The following GATA4 variants were observed in gnomAD, a reference collection of about 807,000 sequenced individuals.
GATA4 encodes transcription factor GATA-4.
Under a neutral mutation model 37.9 loss-of-function variants are expected in GATA4, and 7 were observed. The ratio of observed to expected loss-of-function variants is 0.18; its 90% CI spans 0.11 to 0.35. The LOEUF (loss-of-function observed/expected upper bound fraction) is 0.35, where lower values mean the gene tolerates loss of function less well. GATA4 is among the 10% of genes least tolerant of loss of function. GATA4 has a pLI of 1.00. For missense variants in GATA4, 647 were observed against 653.0 expected (o/e 0.99, Z 0.10); for synonymous variants, 372 against 292.6 (o/e 1.27, Z -2.77).
intron 1 of GATA4, among the ~76,000 whole-genome samples, chr8:11,683,532 G>A (rs940825223): frequency 6.6e-6 from 1 of 152,130 alleles, no homozygotes; most frequent in Admixed American, 6.5e-5. Flanking sequence ...TATTCCTTGA[G>A]ACTAGGTAGA....
intron 2 of GATA4, among the ~76,000 whole-genome samples, chr8:11,746,225 C>G (rs955447731): frequency 6.8e-6 from 1 of 147,760 alleles, no homozygotes; most frequent in Non-Finnish European, 1.5e-5. Context: ...GAGACTCTGT[C>G]TCAAAAAAAA....
chr8:11,696,905 G>A (rs1799524839), intron 1 of GATA4, among the ~76,000 whole-genome samples: 1 of 152,244 alleles, frequency 6.6e-6, no homozygotes. Flanking sequence ...CATCTGCTCA[G>A]GGAGAGTGTG....
At chr8:11,706,279 G>C (rs1799884873) in intron 1 of GATA4, among the ~76,000 whole-genome samples, 1 of 152,148 alleles carries the variant, frequency 6.6e-6, no homozygotes, top group Non-Finnish European at 1.5e-5. Context: ...GCATTATGTA[G>C]TGTGTATTAA....
At chr8:11,717,372 A>G (rs549620271) in intron 2 of GATA4, among the ~76,000 whole-genome samples, 38 of 152,298 alleles carry the variant, frequency 2.5e-4, no homozygotes, top group African/African-American at 7.9e-4. Context: ...AGTAAGGTGG[A>G]TCCCTGTCAA....
intron 2 of GATA4, among the ~76,000 whole-genome samples, chr8:11,711,249 C>T (rs1800169460): frequency 2.0e-5 from 3 of 152,226 alleles, no homozygotes. Flanking sequence ...CCTCCCTGTG[C>T]GTCTCTCTGC....
rs116052854 is a variant in GATA4 at position 11,757,212 on chromosome 8, C to T, written c.1149+129C>T. ...GGTGCAAGCAGTGAGCTACCCTCTG[C>T]GCTAGGAAGACCCAGCCATTGAGCT... On this transcript the variant is annotated intron_variant, in intron 6 of 6. Transcript: ENST00000532059. The T allele has an allele frequency of 3.6e-3, 4,958 of 1,375,922 alleles. 83 individuals are homozygous for T. The African/African-American group carries it at 0.037, about 10-fold the overall frequency. The allele number at this position is 1,375,922 out of a possible 1,614,324, so 85.2% of individuals were successfully genotyped here.
intron 1 of GATA4, among the ~76,000 whole-genome samples, chr8:11,684,268 C>G (rs1024528258): frequency 6.6e-6 from 1 of 152,178 alleles, no homozygotes; most frequent in Non-Finnish European, 1.5e-5. Context: ...CAAAGAATTG[C>G]CAGAGCCTAG....
chr8:11,745,822 A>G (rs963877261), intron 2 of GATA4, among the ~76,000 whole-genome samples: 1 of 152,210 alleles, frequency 6.6e-6, no homozygotes, highest in Non-Finnish European at 1.5e-5. Context: ...TTATGAATAA[A>G]ATAATAGAAG....
At chr8:11,734,835 G>C (rs1052404573) in intron 2 of GATA4, among the ~76,000 whole-genome samples, 1 of 152,164 alleles carries the variant, frequency 6.6e-6, no homozygotes, top group Non-Finnish European at 1.5e-5. Context: ...TGAGGGCTCC[G>C]TCCGATGGCC....
At chr8:11,742,261 T>G (rs1801775930) in intron 2 of GATA4, among the ~76,000 whole-genome samples, 1 of 152,182 alleles carries the variant, frequency 6.6e-6, no homozygotes, top group Non-Finnish European at 1.5e-5. Context: ...TCTTTCTCTT[T>G]GTCATTTGTA....
intron 2 of GATA4, among the ~76,000 whole-genome samples, chr8:11,739,754 T>C (rs973493485): frequency 3.0e-5 from 3 of 100,902 alleles, no homozygotes; most frequent in African/African-American, 1.5e-4. Flanking sequence ...TGTGCGGAGC[T>C]TCTGTCGTGT....
chr8:11,686,458 T>C (rs1268259018), intron 1 of GATA4, among the ~76,000 whole-genome samples: 1 of 152,150 alleles, frequency 6.6e-6, no homozygotes, highest in Non-Finnish European at 1.5e-5. Flanking sequence ...GTGTGTTTGT[T>C]GATAATGGAG....
upstream of GATA4, among the ~76,000 whole-genome samples, chr8:11,703,879 G>A (rs1799773751): frequency 6.6e-6 from 1 of 152,228 alleles, no homozygotes; most frequent in African/African-American, 2.4e-5. Context: ...TGCGGGATGA[G>A]GACCACAGGA....
Position 11,726,075 on chromosome 8 carries a change from A to T in GATA4, c.616+17147A>T, listed in dbSNP as rs149424131. Among the ~76,000 whole-genome samples the T allele has an allele frequency of 6.2e-3, 949 of 152,338 alleles. 8 individuals are homozygous for T. The highest frequency in any genetic ancestry group is 9.1e-3 in the Non-Finnish European group (616 of 68,040). ...TGCCACATTTCCTTCTGGGGTCCGG[A>T]ATACCATCACCTGGTACATACAGGA... On this transcript the variant is annotated intron_variant, in intron 2 of 6. Transcript: ENST00000532059.
At chr8:11,703,873 G>A (rs1472130904), upstream of GATA4, among the ~76,000 whole-genome samples, 4 of 152,334 alleles carry the variant, frequency 2.6e-5, no homozygotes, top group East Asian at 1.9e-4. Flanking sequence ...CGCCGCTGCG[G>A]GATGAGGACC....
intron 2 of GATA4, 135 bp from the exon 3 acceptor site, chr8:11,748,781 A>T: frequency 1.0e-6 from 1 of 971,274 alleles, no homozygotes; most frequent in Non-Finnish European, 1.7e-6. Context: ...GAAGAGCAAG[A>T]GCAGCCCGAG....
At chr8:11,747,951 AC>A in intron 2 of GATA4, among the ~76,000 whole-genome samples, 1 of 152,330 alleles carries the variant, frequency 6.6e-6, no homozygotes, top group South Asian at 2.1e-4. Flanking sequence ...TGAAAGTCTC[AC>A]AAGGCCGGGT....
Position 11,708,715 on chromosome 8 carries a change from G to A in GATA4, c.403G>A (p.Gly135Ser). ...AAREAAAYSSGGGAAGAGLAG... is the reference protein window; with the variant it reads ...AAREAAAYSSSGGAAGAGLAG... ...CCGGGAAGCTGCGGCCTACAGCAGTGGCGGCGGAGCGGCGGGTGCGGGCCT... is the reference window on the plus strand; with the variant it reads ...CCGGGAAGCTGCGGCCTACAGCAGTAGCGGCGGAGCGGCGGGTGCGGGCCT... Residue 135 changes from glycine to serine, a missense_variant, in exon 2 of 7, where the codon GGC (glycine) becomes AGC (serine). Gly to Ser is a moderately conservative substitution (Grantham distance 56, BLOSUM62 0). Transcript: ENST00000532059. The surrounding 1 kb of genome is among the most constrained non-coding windows in gnomAD (Gnocchi z 6.7). 7.9e-7 allele frequency: 1 copy of A among 1,270,450 alleles called. No individual in the cohort carries two copies. The highest frequency in any genetic ancestry group is 3.3e-5 in the East Asian group (1 of 30,376). 78.7% of individuals were successfully genotyped at this position (1,270,450 alleles called of 1,614,324 possible). A position where few individuals can be genotyped will look rare whatever the true frequency, so the allele number is the denominator to read the frequency against.
chr8:11,683,219 G>C lies in GATA4; in HGVS notation c.-274+6156G>C, dbSNP rs965995448. ...TCCATTAGACCTCAGCATTTATCCG[G>C]AGCGGGGGAGGACGGAGGGACGGGG... On this transcript the variant is annotated intron_variant, in intron 1 of 6. Coordinates refer to the GATA4 transcript ENST00000528712. 3 of 793,594 alleles carry C rather than the reference G, an allele frequency of 3.8e-6. No individual in the cohort carries two copies. In the African/African-American group the frequency reaches 5.6e-5, roughly 15 times the overall value. 49.2% of individuals were successfully genotyped at this position (793,594 alleles called of 1,614,324 possible). A position where few individuals can be genotyped will look rare whatever the true frequency, so the allele number is the denominator to read the frequency against.
Sources: gnomAD v4.1 joint callset for allele counts (sites outside exome capture counted in the v4.1 genomes callset) on GRCh38, gnomAD v4.1.1 for gene constraint, Gnocchi (gnomAD v3.1) non-coding constraint, MANE v1.5 for transcripts, NCBI Gene and HGNC (gene_info 2026-07-23, HGNC 2026-07-21) for gene names.